BNIP5: variants seen among roughly 807,000 people sequenced by gnomAD.
The protein encoded by BNIP5 is protein BNIP5.
Under a neutral mutation model 67.3 loss-of-function variants are expected in BNIP5, and 61 were observed. That is an observed-to-expected ratio of 0.91 (90% CI 0.74 to 1.12). BNIP5 has a LOEUF of 1.12. Among genes scored for constraint, BNIP5 ranks in the 50% most tolerant of loss-of-function variants. BNIP5 has a pLI of 0.00. For synonymous variants in BNIP5, 317 were observed against 319.0 expected (o/e 0.99, Z 0.07); for missense variants, 826 against 816.3 (o/e 1.01, Z -0.14).
At chr6:36,322,280 C>T (rs374678612) in intron 9 of BNIP5, 31 bp downstream of exon 9, 3 of 1,613,328 alleles carry the variant, frequency 1.9e-6, no homozygotes, top group Non-Finnish European at 2.5e-6. Context: ...ACCCGGGAAG[C>T]TGTCCAGGTA....
chr6:36,330,305 A>T lies in BNIP5; in HGVS notation c.386T>A (p.Ile129Asn). 1 of 1,613,700 alleles carries T rather than the reference A, an allele frequency of 6.2e-7. No individual in the cohort carries two copies. Among genetic ancestry groups the T allele is most frequent in the Non-Finnish European group, 8.5e-7 (1 of 1,179,932 alleles). The change falls in exon 2 of 12, where the codon ATC becomes AAC. Residue 129 changes from isoleucine to asparagine, a missense_variant. Ile to Asn is a moderately radical substitution (Grantham distance 149). Coordinates refer to ENST00000437635, the MANE Select transcript of BNIP5 (RefSeq NM_001010903.5). ...TTCCAGGGGCTCCGGATGCTGGGAG[A>T]TACCCTCCTTCCCCCTTGGCCTCCT... ...ASRRPRGKEG[I>N]SQHPEPLEAA... is the part of the protein sequence containing the mutation.
intron 9 of BNIP5, 113 bp from the exon 10 acceptor site, chr6:36,321,332 C>T (rs962457032): frequency 1.3e-6 from 1 of 778,786 alleles, no homozygotes; most frequent in Non-Finnish European, 2.2e-6. Flanking sequence ...TATTTTCTCT[C>T]TAAAACTCAG....
rs1389706720 is a variant in BNIP5, at chr6:36,327,050, C to T, written c.772G>A (p.Gly258Arg). ...QMIVELLKRVGDQWEEEQSLA... is the reference protein window; with the variant it reads ...QMIVELLKRVRDQWEEEQSLA... ...CTCACCTCTTCTTCCCACTGGTCTC[C>T]CACTCTTTTGAGCAATTCCACTATC... Residue 258 changes from glycine (G) to arginine (R), a missense_variant, in exon 4 of 12, where the codon GGA becomes AGA. Transcript: ENST00000437635. 2 of 1,614,146 alleles carry T rather than the reference C, an allele frequency of 1.2e-6. No homozygotes were observed. The highest frequency in any genetic ancestry group is 1.7e-6 in the Non-Finnish European group (2 of 1,179,970).
chr6:36,333,205 A>T (rs1391829612), intron 1 of BNIP5, among the ~76,000 whole-genome samples: 1 of 152,246 alleles, frequency 6.6e-6, no homozygotes, highest in East Asian at 1.9e-4. Context: ...ACCAGATGGT[A>T]TTGCAGCCCC....
rs758345455 is a variant in BNIP5 at position 36,319,567 on chromosome 6, G to A, written c.1712C>T (p.Ser571Leu). Residue 571 changes from serine to leucine, a missense_variant, in exon 11 of 12, where the codon TCG becomes TTG. Ser to Leu is a moderately radical substitution (Grantham distance 145). Transcript: ENST00000437635. ...TACCAGCTTGCTGAGGGAGGAGTCC[G>A]AGAACTCGTAAAAAAACCTCTTAAA... ...PSFKRFFYEF[S>L]DSSLSKLVAT... is the part of the protein sequence containing the mutation. 32 of 1,613,778 alleles carry A rather than the reference G, an allele frequency of 2.0e-5. No individual in the cohort carries two copies. The highest frequency in any genetic ancestry group is 4.5e-5 in the East Asian group (2 of 44,868).
chr6:36,321,208 T>TG lies in BNIP5; in HGVS notation c.1614dup (p.Ile539HisfsTer26). 6.3e-7 allele frequency: 1 copy of TG among 1,597,494 alleles called. No homozygotes were observed. The highest frequency in any genetic ancestry group is 2.3e-5 in the East Asian group (1 of 44,428). ...TGGAGAAGTGCCACAAGCTTCTGGA[T>TG]GATGATCTCCTCTAAGGAAAAGAAA... On this transcript the variant is annotated frameshift_variant, in exon 10 of 12. Transcript: ENST00000437635. LOFTEE classifies it high-confidence loss of function.
chr6:36,332,816 G>A (rs1317443360), intron 1 of BNIP5, among the ~76,000 whole-genome samples: 1 of 152,152 alleles, frequency 6.6e-6, no homozygotes, highest in African/African-American at 2.4e-5. Context: ...TTTTTCCAGA[G>A]TTGTTCAGAA....
chr6:36,322,594 G>A, intron 8 of BNIP5, 152 bp from the exon 9 acceptor site: 1 of 792,626 alleles, frequency 1.3e-6, no homozygotes, highest in Non-Finnish European at 2.0e-6. Flanking sequence ...AGGAGTTCGT[G>A]GTGCACTCCT....
chr6:36,326,999 C>A (rs1771779451), intron 4 of BNIP5, 31 bp downstream of exon 4: 1 of 1,594,442 alleles, frequency 6.3e-7, no homozygotes, highest in African/African-American at 1.3e-5. Flanking sequence ...AGGCAGAGAG[C>A]CCCTGGAGAC....
chr6:36,330,108 C>A lies in BNIP5; in HGVS notation c.583G>T (p.Glu195Ter). ...SKAAAALRSG[E>*]ADLGPARRGG... ...CTGCGAGCTGGGCCCAGGTCAGCCT[C>A]CCCGGAGCGCAAGGCAGCAGCTGCC... The change falls in exon 2 of 12, where the codon GAG becomes TAG. Residue 195 changes from glutamate to a stop codon, truncating the protein, a stop_gained. Transcript: ENST00000437635. LOFTEE classifies it high-confidence loss of function. The A allele has an allele frequency of 6.2e-7, 1 of 1,609,220 alleles. No individual in the cohort carries two copies. Among genetic ancestry groups the A allele is most frequent in the Non-Finnish European group, 8.5e-7 (1 of 1,179,590 alleles).
intron 1 of BNIP5, 75 bp from the exon 2 acceptor site, chr6:36,330,769 GTTT>G: frequency 6.7e-7 from 1 of 1,493,106 alleles, no homozygotes; most frequent in South Asian, 1.4e-5. Context: ...TGTTTTGTTT[GTTT>G]TTGTTTTTTA....
At position 36,324,163 on chromosome 6, in the gene BNIP5, A is replaced by G. The variant is rs1308700803; in HGVS notation, c.1196T>C (p.Met399Thr). ...YKEFIQKIIS[M>T]LQDAEEQQGE... ...TTGCTGTTCTTCTGCATCTTGGAGC[A>G]TGGAAATGATCTTCTGAATGAATTC... The change falls in exon 7 of 12, where the codon ATG becomes ACG. Residue 399 changes from methionine to threonine, a missense_variant. Physicochemically the swap from Met to Thr is moderately conservative, Grantham distance 81. Coordinates refer to ENST00000437635, the MANE Select transcript of BNIP5 (RefSeq NM_001010903.5). 1.9e-6 allele frequency: 3 copies of G among 1,614,078 alleles called. No individual in the cohort carries two copies. The highest frequency in any genetic ancestry group is 2.5e-6 in the Non-Finnish European group (3 of 1,179,928).
chr6:36,323,345 G>C lies in BNIP5; in HGVS notation c.1419C>G (p.Ser473Arg), dbSNP rs1212478548. The change falls in exon 8 of 12, where the codon AGC becomes AGG. Residue 473 changes from serine (S) to arginine (R), a missense_variant. Transcript: ENST00000437635. Reference protein sequence around the residue: ...SPEARRPKRPSFLPLCVGGHR... With the variant: ...SPEARRPKRPRFLPLCVGGHR... ...GGCCACCAACACACAGGGGCAGAAAGCTGGGCCTCTTGGGTCGTCGGGCCT... is the reference window on the plus strand; with the variant it reads ...GGCCACCAACACACAGGGGCAGAAACCTGGGCCTCTTGGGTCGTCGGGCCT... 1.9e-6 allele frequency: 3 copies of C among 1,614,172 alleles called. No individual in the cohort carries two copies. The highest frequency in any genetic ancestry group is 2.5e-6 in the Non-Finnish European group (3 of 1,180,058).
At position 36,316,511 on chromosome 6, in the gene BNIP5, C is replaced by A. The variant is rs1367279870; in HGVS notation, c.*845G>T. On this transcript the variant is annotated 3_prime_UTR_variant, in exon 12 of 12. Coordinates refer to ENST00000437635, the MANE Select transcript of BNIP5 (RefSeq NM_001010903.5). ...CACAATGTCTAGGACATGAATAGTA[C>A]CTCCTGGAGTATGGTGCTCTTGAGC... 5.0e-6 allele frequency: 2 copies of A among 398,524 alleles called. No individual in the cohort carries two copies. The highest frequency in any genetic ancestry group is 8.8e-6 in the Non-Finnish European group (2 of 226,094). The allele number at this position is 398,524 out of a possible 1,614,324, so 24.7% of individuals were successfully genotyped here. A position where few individuals can be genotyped will look rare whatever the true frequency, so the allele number is the denominator to read the frequency against.
chr6:36,326,166 C>T (rs1771756366), intron 5 of BNIP5, among the ~76,000 whole-genome samples: 1 of 152,238 alleles, frequency 6.6e-6, no homozygotes, highest in Admixed American at 6.5e-5. Context: ...CCCAGGTCTC[C>T]TGCCTCCCCT....
At chr6:36,329,954 A>C (rs996469302) in intron 2 of BNIP5, 127 bp downstream of exon 2, 41 of 991,728 alleles carry the variant, frequency 4.1e-5, no homozygotes, top group Non-Finnish European at 5.7e-5. Flanking sequence ...GGAAGGAAGG[A>C]AGGAAGTCAC....
intron 3 of BNIP5, 28 bp from the exon 4 acceptor site, chr6:36,327,122 T>C (rs759976442): frequency 6.2e-7 from 1 of 1,601,748 alleles, no homozygotes; most frequent in South Asian, 1.1e-5. Flanking sequence ...CATCCGGTTA[T>C]TCTTTCTAAA....
intron 11 of BNIP5, among the ~76,000 whole-genome samples, chr6:36,318,689 C>T (rs1056508674): frequency 6.6e-6 from 1 of 152,084 alleles, no homozygotes; most frequent in Non-Finnish European, 1.5e-5. Context: ...CACCACTGCA[C>T]TCCAGCCTGG....
At chr6:36,325,880 T>C (rs199833351) in intron 5 of BNIP5, among the ~76,000 whole-genome samples, 2 of 152,206 alleles carry the variant, frequency 1.3e-5, no homozygotes, top group East Asian at 3.8e-4. Context: ...AAGAAATGAC[T>C]TGTCTGATCC....
Sources: allele counts gnomAD v4.1 joint callset (sites outside exome capture counted in the v4.1 genomes callset), GRCh38; gene constraint gnomAD v4.1.1; transcripts MANE v1.5; gene names NCBI Gene and HGNC (gene_info 2026-07-23, HGNC 2026-07-21).